CPED1: variants seen among roughly 807,000 people sequenced by gnomAD.
CPED1 encodes cadherin like and PC-esterase domain containing 1, also known as cadherin-like and PC-esterase domain-containing protein 1.
CPED1 carries 114 observed loss-of-function variants against 128.2 expected under a neutral mutation model. The ratio of observed to expected loss-of-function variants is 0.89; its 90% CI spans 0.76 to 1.04. The LOEUF is 1.04. Ranked by LOEUF, CPED1 falls within the 50% of genes least tolerant of loss-of-function variation. The pLI is 0.00. For synonymous variants in CPED1, 462 were observed against 426.7 expected (o/e 1.08, Z -1.02); for missense variants, 1,211 against 1,207.1 (o/e 1.00, Z -0.05).
chr7:121,170,304 C>G (rs1215947543), intron 16 of CPED1, among the ~76,000 whole-genome samples: 1 of 152,156 alleles, frequency 6.6e-6, no homozygotes, highest in Non-Finnish European at 1.5e-5. Context: ...AGCAGGTTGC[C>G]TGTACCTCTC....
intron 16 of CPED1, among the ~76,000 whole-genome samples, chr7:121,171,392 T>C (rs1339548109): frequency 6.6e-6 from 1 of 152,206 alleles, no homozygotes; most frequent in Non-Finnish European, 1.5e-5. Flanking sequence ...ACACTTATTG[T>C]CCAATTAGCT....
Position 121,296,883 on chromosome 7 carries a change from A to G in CPED1, c.*1231A>G, listed in dbSNP as rs1333933521. 1.3e-5 allele frequency: 2 copies of G among 152,402 alleles called. No individual in the cohort carries two copies. The highest frequency in any genetic ancestry group is 4.8e-5 in the African/African-American group (2 of 41,424). 9.4% of individuals were successfully genotyped at this position (152,402 alleles called of 1,614,324 possible). ...GAAGCTGAGAGGGTTAATTCAATACATGGCTGAAATTACCAAATGTATAAA... is the reference window on the plus strand; with the variant it reads ...GAAGCTGAGAGGGTTAATTCAATACGTGGCTGAAATTACCAAATGTATAAA... On this transcript the variant is annotated 3_prime_UTR_variant, in exon 23 of 23. Transcript: ENST00000310396.
At chr7:121,154,332 T>C (rs533813344) in intron 16 of CPED1, among the ~76,000 whole-genome samples, 3 of 152,282 alleles carry the variant, frequency 2.0e-5, no homozygotes, top group South Asian at 4.1e-4. Context: ...CAGAATTACA[T>C]TGAATAAAAG....
At chr7:120,991,713 C>G (rs893063918) in intron 2 of CPED1, among the ~76,000 whole-genome samples, 1 of 152,194 alleles carries the variant, frequency 6.6e-6, no homozygotes, top group South Asian at 2.1e-4. Context: ...CCATCTGAAA[C>G]TTACTGGCTC....
chr7:121,048,828 C>G (rs1793279257), intron 4 of CPED1, among the ~76,000 whole-genome samples: 1 of 152,200 alleles, frequency 6.6e-6, no homozygotes, highest in African/African-American at 2.4e-5. Flanking sequence ...CCTAAGCCAC[C>G]ATGCCAGGCC....
chr7:121,178,264 C>A (rs1796827922), intron 16 of CPED1, among the ~76,000 whole-genome samples: 1 of 151,952 alleles, frequency 6.6e-6, no homozygotes, highest in African/African-American at 2.4e-5. Flanking sequence ...TAAAAGTTGC[C>A]CATCCTGACT....
Position 121,064,324 on chromosome 7 carries a change from G to C in CPED1, c.616+11G>C, listed in dbSNP as rs374533243. 16 of 1,598,044 alleles carry C rather than the reference G, an allele frequency of 1.0e-5. No individual in the cohort carries two copies. The highest frequency in any genetic ancestry group is 2.2e-5 in the East Asian group (1 of 44,816). On this transcript the variant is annotated intron_variant, in intron 5 of 22. Coordinates refer to ENST00000310396, the MANE Select transcript of CPED1 (RefSeq NM_024913.5). ...TTAGAAGATTCCCAGGTAATCTTTC[G>C]TTTGCTTCCTTAGGCTTAAACATGT...
chr7:121,268,747 C>A (rs1280573535), intron 21 of CPED1, among the ~76,000 whole-genome samples: 2 of 151,886 alleles, frequency 1.3e-5, no homozygotes, highest in African/African-American at 2.4e-5. Context: ...CACCTCCAGA[C>A]CTTTGAAATA....
chr7:121,128,580 T>C, intron 11 of CPED1, 94 bp downstream of exon 11: 2 of 696,304 alleles, frequency 2.9e-6, no homozygotes, highest in South Asian at 3.7e-5. Context: ...CTAGATTAAG[T>C]ATTTCTTTAA....
rs776682921 is a variant in CPED1, at chr7:121,267,227, C to T, written c.2646C>T (p.Leu882=). Residue 882 remains leucine, a synonymous_variant, in exon 21 of 23, where the codon CTC becomes CTT. Coordinates refer to ENST00000310396, the MANE Select transcript of CPED1 (RefSeq NM_024913.5). ...IHKVLKRENL[L]NILVIIKTLG... is the part of the protein sequence containing the mutation. ...TTATCTCATTCAGGGAAAATTTACT[C>T]AATATCCTAGTGATCATCAAAACTT... 6.3e-7 allele frequency: 1 copy of T among 1,576,870 alleles called. No homozygotes were observed. The highest frequency in any genetic ancestry group is 2.3e-5 in the East Asian group (1 of 44,248).
At chr7:121,092,769 G>A (rs1211463580) in intron 5 of CPED1, among the ~76,000 whole-genome samples, 2 of 152,172 alleles carry the variant, frequency 1.3e-5, no homozygotes, top group African/African-American at 2.4e-5. Flanking sequence ...GGAGCTGATT[G>A]ACCCTGTGGA....
At chr7:121,124,555 C>T in intron 8 of CPED1, 82 bp downstream of exon 8, 1 of 1,121,800 alleles carries the variant, frequency 8.9e-7, no homozygotes. Flanking sequence ...GGAAATGTAT[C>T]TTAATTATCA....
chr7:121,193,707 G>A (rs139659591), intron 16 of CPED1, among the ~76,000 whole-genome samples: 76 of 152,144 alleles, frequency 5.0e-4, no homozygotes, highest in Middle Eastern at 3.4e-3. Flanking sequence ...CACTATGTAA[G>A]TGTTGTTAAC....
chr7:121,023,410 G>A (rs1035671895), intron 3 of CPED1, among the ~76,000 whole-genome samples: 18 of 152,142 alleles, frequency 1.2e-4, no homozygotes, highest in African/African-American at 3.9e-4. Flanking sequence ...ACAAAAAGTA[G>A]GAAGTTTGGT....
intron 16 of CPED1, among the ~76,000 whole-genome samples, chr7:121,177,813 C>A (rs561754126): frequency 6.6e-6 from 1 of 151,980 alleles, no homozygotes; most frequent in Non-Finnish European, 1.5e-5. Flanking sequence ...TCCTTCCATG[C>A]AGGAAGCATC....
chr7:121,037,692 T>A (rs1187592262), intron 3 of CPED1, among the ~76,000 whole-genome samples: 1 of 152,142 alleles, frequency 6.6e-6, no homozygotes, highest in Non-Finnish European at 1.5e-5. Flanking sequence ...GATATTTTGA[T>A]GGGAATTGCA....
chr7:120,997,669 C>G (rs1415935514), intron 2 of CPED1, among the ~76,000 whole-genome samples: 1 of 152,068 alleles, frequency 6.6e-6, no homozygotes, highest in Non-Finnish European at 1.5e-5. Context: ...ACCTGCAATC[C>G]CAGCACTTTG....
At chr7:121,169,294 C>A (rs1796600329) in intron 16 of CPED1, among the ~76,000 whole-genome samples, 1 of 151,960 alleles carries the variant, frequency 6.6e-6, no homozygotes, top group Non-Finnish European at 1.5e-5. Context: ...AAACTAAGTT[C>A]TATAAAGAAG....
Position 121,128,376 on chromosome 7 carries a change from A to G in CPED1, c.1303-6A>G, listed in dbSNP as rs763543775. ...TTGCTTAAGTTCTTTCCCCCTACCAATACAGGGTGAAAACTATCAAAAGGA... is the reference window on the plus strand; with the variant it reads ...TTGCTTAAGTTCTTTCCCCCTACCAGTACAGGGTGAAAACTATCAAAAGGA... On this transcript the variant is annotated splice_polypyrimidine_tract_variant and splice_region_variant and intron_variant, in intron 10 of 22. Transcript: ENST00000310396. 82 of 1,486,196 alleles carry G rather than the reference A, an allele frequency of 5.5e-5. No individual in the cohort carries two copies. Among genetic ancestry groups the G allele is most frequent in the Non-Finnish European group, 7.7e-5 (82 of 1,064,330 alleles). The allele number at this position is 1,486,196 out of a possible 1,614,324, so 92.1% of individuals were successfully genotyped here.
Sources: allele counts gnomAD v4.1 joint callset (sites outside exome capture counted in the v4.1 genomes callset), GRCh38; gene constraint gnomAD v4.1.1; transcripts MANE v1.5; gene names NCBI Gene and HGNC (gene_info 2026-07-23, HGNC 2026-07-21).